Variants in SLC35F5 observed in about 807,000 individuals in gnomAD.
The protein encoded by SLC35F5 is solute carrier family 35 member F5, also known as HCV NS5A-transactivated protein 3.
Under a neutral mutation model 68.6 loss-of-function variants are expected in SLC35F5, and 54 were observed. That is an observed-to-expected ratio of 0.79 (90% CI 0.63 to 0.99). The LOEUF is 0.99. Among genes scored for constraint, SLC35F5 ranks in the 50% least tolerant of loss-of-function variants. The probability of loss-of-function intolerance (pLI) is 0.00; values close to 1 mark genes in which losing one functional copy is unlikely to be tolerated. For missense variants in SLC35F5, 567 were observed against 626.9 expected, an observed-to-expected ratio of 0.90 and a Z score of 1.02; for synonymous variants, 211 against 205.2, an observed-to-expected ratio of 1.03 and a Z score of -0.24.
At chr2:113,745,603 A>G (rs34480436) in intron 5 of SLC35F5, among the ~76,000 whole-genome samples, 21,847 of 152,134 alleles carry the variant, frequency 0.14, 1,698 homozygotes, top group African/African-American at 0.19. Context: ...CCAGCAGTTG[A>G]AAGTTAGAAT....
intron 5 of SLC35F5, among the ~76,000 whole-genome samples, chr2:113,744,522 C>T (rs562969029): frequency 1.3e-5 from 2 of 152,174 alleles, no homozygotes; most frequent in East Asian, 1.9e-4. Context: ...GAGGCTGAGG[C>T]GGGCAGATCA....
intron 7 of SLC35F5, among the ~76,000 whole-genome samples, chr2:113,738,022 T>A (rs763453570): frequency 6.6e-6 from 1 of 152,218 alleles, no homozygotes; most frequent in African/African-American, 2.4e-5. Context: ...TGATTTAATA[T>A]ACACATGACA....
chr2:113,722,281 A>G (rs1433677658), intron 13 of SLC35F5, among the ~76,000 whole-genome samples: 2 of 152,240 alleles, frequency 1.3e-5, no homozygotes, highest in East Asian at 3.9e-4. Context: ...GCTAAGACCT[A>G]GAGAAAAATA....
chr2:113,743,626 C>T, intron 6 of SLC35F5, 87 bp downstream of exon 6: 3 of 1,001,592 alleles, frequency 3.0e-6, no homozygotes, highest in Admixed American at 3.8e-5. Flanking sequence ...AGAACTGCTA[C>T]ATGTTTCAGT....
intron 7 of SLC35F5, among the ~76,000 whole-genome samples, chr2:113,739,671 T>G (rs181532448): frequency 2.6e-5 from 4 of 152,308 alleles, no homozygotes; most frequent in Non-Finnish European, 5.9e-5. Flanking sequence ...AATGTATTAA[T>G]TATATGCTAC....
intron 13 of SLC35F5, among the ~76,000 whole-genome samples, chr2:113,720,185 G>C (rs947773982): frequency 6.6e-6 from 1 of 151,734 alleles, no homozygotes; most frequent in Non-Finnish European, 1.5e-5. Context: ...GATCAGAAAC[G>C]ATTGTCAAAG....
In SLC35F5 at chr2:113,714,014, T is replaced by C. The variant is rs756702075; in HGVS notation, c.*1204A>G. On this transcript the variant is annotated 3_prime_UTR_variant, in exon 16 of 16. Coordinates refer to ENST00000245680, the MANE Select transcript of SLC35F5 (RefSeq NM_025181.5). ...ACAGCAAACTTGAAAAGAATATTGATTAATCAAAAGCCTGTGAATCCTGGG... is the reference window on the plus strand; with the variant it reads ...ACAGCAAACTTGAAAAGAATATTGACTAATCAAAAGCCTGTGAATCCTGGG... 4 of 152,160 alleles carry C rather than the reference T, an allele frequency of 2.6e-5. No homozygotes were observed. The highest frequency in any genetic ancestry group is 1.3e-4 in the Admixed American group (2 of 15,274). 9.4% of individuals were successfully genotyped at this position (152,160 alleles called of 1,614,324 possible).
chr2:113,703,700 G>T (rs555342084), downstream of SLC35F5: 1 of 152,288 alleles, frequency 6.6e-6, no homozygotes, highest in African/African-American at 2.4e-5. Context: ...TACTTACTTT[G>T]CTTTTGTTTC....
chr2:113,734,514 TG>T, intron 9 of SLC35F5, 71 bp downstream of exon 9: 1 of 853,166 alleles, frequency 1.2e-6, no homozygotes, highest in Non-Finnish European at 1.9e-6. Flanking sequence ...CAAACTACCC[TG>T]GTGCCACTAT....
chr2:113,756,011 G>A, intron 1 of SLC35F5: 2 of 1,508,762 alleles, frequency 1.3e-6, no homozygotes, highest in South Asian at 1.3e-5. Flanking sequence ...TCTTCAAGTG[G>A]TAAAAGAAAA....
rs1687023994 is a variant in SLC35F5, at chr2:113,712,452, G to T, written c.*2766C>A. Among the ~76,000 whole-genome samples, 1 of 152,186 alleles carries T rather than the reference G, an allele frequency of 6.6e-6. No homozygotes were observed. Among genetic ancestry groups the T allele is most frequent in the Non-Finnish European group, 1.5e-5 (1 of 68,018 alleles). On this transcript the variant is annotated 3_prime_UTR_variant, in exon 16 of 16. Transcript: ENST00000245680. The stretch of plus-strand genomic sequence containing the variant: ...CTGCCTCAGCCTCCCGAGCAGCTGG[G>T]ACTACAGGCGCCGCCACCACGCCCG...
In SLC35F5 at chr2:113,743,743, G is replaced by T; in HGVS notation, c.532C>A (p.Pro178Thr). The T allele has an allele frequency of 6.2e-7, 1 of 1,612,174 alleles. No homozygotes were observed. Among genetic ancestry groups the T allele is most frequent in the Non-Finnish European group, 8.5e-7 (1 of 1,179,034 alleles). Reference protein sequence around the residue: ...VKFHDLPSEKPESTNIDTEKT... With the variant: ...VKFHDLPSEKTESTNIDTEKT... ...TCAGTATCAATGTTTGTGCTCTCAG[G>T]TTTTTCACTTGGAAGATCATGGAAT... Residue 178 changes from proline (P) to threonine (T), a missense_variant, in exon 6 of 16, where the codon CCT (proline) becomes ACT (threonine). Physicochemically the swap from Pro to Thr is conservative, Grantham distance 38. Coordinates refer to ENST00000245680, the MANE Select transcript of SLC35F5 (RefSeq NM_025181.5).
At chr2:113,748,092 A>C (rs562101217) in intron 4 of SLC35F5, among the ~76,000 whole-genome samples, 1 of 152,332 alleles carries the variant, frequency 6.6e-6, no homozygotes, top group African/African-American at 2.4e-5. Context: ...ACTCTGTCTC[A>C]ACAACAGCAA....
At chr2:113,738,429 T>C (rs1688170373) in intron 7 of SLC35F5, among the ~76,000 whole-genome samples, 1 of 152,156 alleles carries the variant, frequency 6.6e-6, no homozygotes, top group African/African-American at 2.4e-5. Context: ...GCGGATTTCC[T>C]TCTTTTTAGA....
chr2:113,750,357 C>CTA, intron 4 of SLC35F5, 68 bp downstream of exon 4: 2 of 1,368,654 alleles, frequency 1.5e-6, no homozygotes, highest in Non-Finnish European at 1.9e-6. Context: ...GAAACTAATA[C>CTA]ATCTTTAAAC....
chr2:113,734,440 G>A, intron 9 of SLC35F5, 146 bp downstream of exon 9: 1 of 577,540 alleles, frequency 1.7e-6, no homozygotes, highest in Non-Finnish European at 3.1e-6. Context: ...ATGTGACAGG[G>A]CTAAGTAGCA....
downstream of SLC35F5, chr2:113,703,723 G>A (rs974921553): frequency 8.5e-5 from 13 of 152,236 alleles, no homozygotes; most frequent in African/African-American, 2.4e-4. Context: ...GGTAATAACT[G>A]GTTTACGGCC....
chr2:113,727,897 G>T (rs1389118481), intron 11 of SLC35F5, among the ~76,000 whole-genome samples: 2 of 152,068 alleles, frequency 1.3e-5, no homozygotes, highest in East Asian at 3.8e-4. Flanking sequence ...AAGTACCACT[G>T]ACCCAACCAC....
Position 113,728,124 on chromosome 2 carries a change from T to C in SLC35F5, c.1090+1277A>G, listed in dbSNP as rs991472306. On this transcript the variant is annotated intron_variant, in intron 11 of 15. Coordinates refer to ENST00000245680, the MANE Select transcript of SLC35F5 (RefSeq NM_025181.5). ...CTCCTGCCTCAGCCTCTCATGCAGC[T>C]GGGATTACAAACACATGTAACCAAA... Among the ~76,000 whole-genome samples the C allele has an allele frequency of 6.6e-5, 10 of 152,192 alleles. No homozygotes were observed. In the South Asian group the frequency reaches 2.1e-3, roughly 32 times the overall value.
Sources: allele counts gnomAD v4.1 joint callset (sites outside exome capture counted in the v4.1 genomes callset), GRCh38; gene constraint gnomAD v4.1.1; transcripts MANE v1.5; gene names NCBI Gene and HGNC (gene_info 2026-07-23, HGNC 2026-07-21).